The following SLC22A25 variants were observed in gnomAD, a reference collection of about 807,000 sequenced individuals.
SLC22A25 encodes the protein MGI:2442751, MGI:2385316, MGI:3042283, MGI:3645714, MGI:3605624, MGI:2442750.
Under a neutral mutation model 45.9 loss-of-function variants are expected in SLC22A25, and 44 were observed. The observed-to-expected ratio is 0.96, with a 90% CI of 0.75 to 1.23. The LOEUF is 1.23. Among genes scored for constraint, SLC22A25 ranks in the 50% most tolerant of loss-of-function variants. SLC22A25 has a pLI of 0.00. For missense variants in SLC22A25, 800 were observed against 666.4 expected (o/e 1.20, Z -2.21); for synonymous variants, 283 against 238.6 (o/e 1.19, Z -1.72).
chr11:63,178,091 C>T (rs2088182547), intron 9 of SLC22A25, among the ~76,000 whole-genome samples: 1 of 151,346 alleles, frequency 6.6e-6, no homozygotes, highest in Admixed American at 6.6e-5. Flanking sequence ...AGGGTTTTGC[C>T]ATGTTACTCA....
chr11:63,195,117 A>G (rs916887420), intron 7 of SLC22A25, among the ~76,000 whole-genome samples: 2 of 151,990 alleles, frequency 1.3e-5, no homozygotes, highest in East Asian at 3.8e-4. Context: ...GTCCTTAGAG[A>G]CCTACAAAGA....
At chr11:63,188,211 C>T (rs1271979063) in intron 7 of SLC22A25, among the ~76,000 whole-genome samples, 1 of 152,176 alleles carries the variant, frequency 6.6e-6, no homozygotes, top group Non-Finnish European at 1.5e-5. Flanking sequence ...TGATTATTGC[C>T]TTAATTTCAG....
In SLC22A25 at chr11:63,189,720, G is replaced by A. The variant is rs528964104; in HGVS notation, c.831-5903C>T. 2.6e-5 allele frequency among the ~76,000 whole-genome samples: 4 copies of A among 152,306 alleles called. No individual in the cohort carries two copies. The South Asian group carries it at 8.3e-4, about 32-fold the overall frequency. ...TCCATGTTTAGTGCTTCCTTCAGGA[G>A]CTCTTTTAAGGCAGGCCTAATGGTG... is the stretch of plus-strand genomic sequence containing the variant. On this transcript the variant is annotated intron_variant, in intron 7 of 11. Coordinates refer to ENST00000306494, the MANE Select transcript of SLC22A25 (RefSeq NM_199352.6).
Position 63,237,908 on chromosome 11 carries a change from C to T in SLC22A25, c.-472G>A, listed in dbSNP as rs765571008. The stretch of plus-strand genomic sequence containing the variant: ...GTATAGTGATCTTTGAACAGAGATG[C>T]TCATCTGTCTGATAAATGGCCATAT... On this transcript the variant is annotated 5_prime_UTR_variant, in exon 3 of 12. Transcript: ENST00000306494. The T allele has an allele frequency of 3.3e-5, 5 of 152,192 alleles. No homozygotes were observed. The highest frequency in any genetic ancestry group is 7.3e-5 in the Non-Finnish European group (5 of 68,036). 9.4% of individuals were successfully genotyped at this position (152,192 alleles called of 1,614,324 possible).
intron 9 of SLC22A25, among the ~76,000 whole-genome samples, chr11:63,169,055 T>C (rs556372354): frequency 1.3e-5 from 2 of 152,276 alleles, no homozygotes; most frequent in African/African-American, 4.8e-5. Flanking sequence ...CAGAATTTCA[T>C]ATACAGCCAA....
chr11:63,243,348 T>C (rs2090283529), intron 1 of SLC22A25, 86 bp downstream of exon 1: 1 of 570,274 alleles, frequency 1.8e-6, no homozygotes, highest in African/African-American at 1.9e-5. Context: ...AAAGCACCTT[T>C]ACTCTCAGCC....
Position 63,163,892 on chromosome 11 carries a change from TG to T in SLC22A25, c.1575del (p.Asp525GlufsTer11), listed in dbSNP as rs1217512798. 6.2e-7 allele frequency: 1 copy of T among 1,613,772 alleles called. No homozygotes were observed. The highest frequency in any genetic ancestry group is 8.5e-7 in the Non-Finnish European group (1 of 1,179,898). ...LPETRNQPLL[D>X]SIQDVENEGV... ...CCCTCATTTTCCACATCCTGGATGC[TG>T]TCAAGAAGAGGCTGGTTCCTGGTTT... is the stretch of plus-strand genomic sequence containing the variant. On this transcript the variant is annotated frameshift_variant, in exon 12 of 12. Coordinates refer to ENST00000306494, the MANE Select transcript of SLC22A25 (RefSeq NM_199352.6). LOFTEE classifies it low-confidence loss of function (END_TRUNC).
chr11:63,224,105 T>C (rs889619334), intron 5 of SLC22A25, among the ~76,000 whole-genome samples: 1 of 152,140 alleles, frequency 6.6e-6, no homozygotes, highest in Non-Finnish European at 1.5e-5. Flanking sequence ...CTCTTTGATA[T>C]GTAATATTTT....
intron 11 of SLC22A25, 133 bp downstream of exon 11, chr11:63,164,393 T>G: frequency 2.4e-6 from 2 of 829,174 alleles, no homozygotes; most frequent in Non-Finnish European, 3.8e-6. Context: ...TGGGCTGTAA[T>G]TTGTTGTTTT....
At chr11:63,236,480 A>C (rs1012091653) in intron 3 of SLC22A25, among the ~76,000 whole-genome samples, 1 of 152,138 alleles carries the variant, frequency 6.6e-6, no homozygotes, top group African/African-American at 2.4e-5. Flanking sequence ...CCGTTTGTGA[A>C]GCCCATTGGA....
Position 63,164,059 on chromosome 11 carries a change from C to A in SLC22A25, c.1409G>T (p.Gly470Val). ...AATATTAGCAAAGTTTCCAGTGATT[C>A]CAGTAGCTCTTCCCCTTGGAGTAAA... ...IPSIIRGRAT[G>V]ITGNFANIGG... The change falls in exon 12 of 12, where the codon GGA becomes GTA. Residue 470 changes from glycine (G) to valine (V), a missense_variant. Transcript: ENST00000306494. The A allele has an allele frequency of 1.3e-6, 2 of 1,598,476 alleles. No homozygotes were observed. Among genetic ancestry groups the A allele is most frequent in the Non-Finnish European group, 1.7e-6 (2 of 1,172,182 alleles).
chr11:63,238,179 C>G, intron 2 of SLC22A25, among the ~76,000 whole-genome samples, 167 bp from the exon 3 acceptor site: 1 of 152,172 alleles, frequency 6.6e-6, no homozygotes, highest in Non-Finnish European at 1.5e-5. Flanking sequence ...TCATTCAGGT[C>G]TCAGCTTCAA....
chr11:63,188,169 T>C (rs2088639691), intron 7 of SLC22A25, among the ~76,000 whole-genome samples: 1 of 152,212 alleles, frequency 6.6e-6, no homozygotes, highest in Non-Finnish European at 1.5e-5. Context: ...TGAATCCATC[T>C]GGTCCTGGAC....
Position 63,161,242 on chromosome 11 carries a change from C to T in SLC22A25, c.*2582G>A, listed in dbSNP as rs2087530742. Among the ~76,000 whole-genome samples the T allele has an allele frequency of 6.6e-6, 1 of 152,122 alleles. No homozygotes were observed. Among genetic ancestry groups the T allele is most frequent in the Non-Finnish European group, 1.5e-5 (1 of 68,030 alleles). ...ACCCCCATTGTATCTAGGAAGTAAC[C>T]AATTTCTTTTGATTTTGCAAGGTCA... On this transcript the variant is annotated 3_prime_UTR_variant, in exon 12 of 12. Transcript: ENST00000306494.
At chr11:63,196,698 A>G (rs901588779) in intron 7 of SLC22A25, among the ~76,000 whole-genome samples, 1 of 152,088 alleles carries the variant, frequency 6.6e-6, no homozygotes, top group African/African-American at 2.4e-5. Context: ...ACTGGCACAA[A>G]ACAGGGATGC....
rs375938939 is a variant in SLC22A25, at chr11:63,212,606, G to A, written c.830+4708C>T. On this transcript the variant is annotated intron_variant, in intron 7 of 11. Coordinates refer to ENST00000306494, the MANE Select transcript of SLC22A25 (RefSeq NM_199352.6). ...ACCACATGTTCTCACTTATAGGTGG[G>A]AATTGAGCAATGAGAACACATGGAC... is the stretch of plus-strand genomic sequence containing the variant. 2.6e-4 allele frequency among the ~76,000 whole-genome samples: 37 copies of A among 143,120 alleles called. No homozygotes were observed. The South Asian group carries it at 3.9e-3, about 15-fold the overall frequency. The allele number at this position is 143,120 out of a possible 152,430, so 93.9% of individuals were successfully genotyped here.
chr11:63,224,694 G>A (rs1430887162), intron 5 of SLC22A25, among the ~76,000 whole-genome samples: 1 of 152,158 alleles, frequency 6.6e-6, no homozygotes, highest in Non-Finnish European at 1.5e-5. Flanking sequence ...GCATAAACAT[G>A]AAAAACAAAC....
chr11:63,162,069 C>A lies in SLC22A25; in HGVS notation c.*1755G>T, dbSNP rs1452194152. 2.6e-5 allele frequency among the ~76,000 whole-genome samples: 4 copies of A among 152,170 alleles called. No individual in the cohort carries two copies. The highest frequency in any genetic ancestry group is 4.8e-5 in the African/African-American group (2 of 41,432). ...TGACTGTTTGACATCTGTATGTCTT[C>A]TTTTGAGAAATACCTATTCACGTTG... On this transcript the variant is annotated 3_prime_UTR_variant, in exon 12 of 12. Coordinates refer to ENST00000306494, the MANE Select transcript of SLC22A25 (RefSeq NM_199352.6).
chr11:63,181,438 G>C (rs2088318497), intron 8 of SLC22A25, among the ~76,000 whole-genome samples: 1 of 132,824 alleles, frequency 7.5e-6, no homozygotes. Context: ...TCCCCTTCCT[G>C]TGTCCATGTG....
Sources: allele counts gnomAD v4.1 joint callset (sites outside exome capture counted in the v4.1 genomes callset), GRCh38; gene constraint gnomAD v4.1.1; transcripts MANE v1.5; gene names NCBI Gene and HGNC (gene_info 2026-07-23, HGNC 2026-07-21).